The following IL1RAPL1 variants were observed in gnomAD, a reference collection of about 807,000 sequenced individuals.
IL1RAPL1 encodes interleukin 1 receptor accessory protein like 1, also known as interleukin-1 receptor accessory protein-like 1.
A neutral mutation model predicts 48.4 loss-of-function variants in IL1RAPL1; 3 were observed. The observed-to-expected ratio is 0.06, with a 90% confidence interval of 0.03 to 0.16. The LOEUF (loss-of-function observed/expected upper bound fraction) is 0.16. IL1RAPL1 is among the 10% of genes least tolerant of loss of function. The probability of loss-of-function intolerance (pLI) is 1.00; values close to 1 mark genes in which losing one functional copy is unlikely to be tolerated. For synonymous variants in IL1RAPL1, 185 were observed against 187.7 expected (o/e 0.99, Z 0.12); for missense variants, 349 against 530.6 (o/e 0.66, Z 3.36).
chrX:29,413,373 C>T (rs1379007004), intron 5 of IL1RAPL1, among the ~76,000 whole-genome samples: 2 of 110,969 alleles, frequency 1.8e-5, no homozygotes, highest in Non-Finnish European at 3.8e-5. Flanking sequence ...TATTATTATA[C>T]TTTAAGTTTT....
intron 2 of IL1RAPL1, among the ~76,000 whole-genome samples, chrX:29,010,677 A>T (rs1926102900): frequency 8.9e-6 from 1 of 111,966 alleles, no homozygotes; most frequent in African/African-American, 3.2e-5. Flanking sequence ...ATAAATAAAT[A>T]ATTTGCAAGT....
At chrX:28,660,141 T>TGTGTGTGTGTGTG (rs1934805232) in intron 1 of IL1RAPL1, among the ~76,000 whole-genome samples, 1 of 54,559 alleles carries the variant, frequency 1.8e-5, no homozygotes, top group Non-Finnish European at 3.6e-5. Flanking sequence ...GTGTGTGTGT[T>TGTGTGTGTGTGTG]GGAGTTACTG....
chrX:28,791,686 GA>G (rs1936540720), intron 2 of IL1RAPL1, among the ~76,000 whole-genome samples: 1 of 112,042 alleles, frequency 8.9e-6, no homozygotes, highest in Non-Finnish European at 1.9e-5. Context: ...TATATGATGT[GA>G]ATTAACATAC....
At chrX:29,866,070 G>T (rs1931689960) in intron 6 of IL1RAPL1, among the ~76,000 whole-genome samples, 1 of 111,427 alleles carries the variant, frequency 9.0e-6, no homozygotes, top group Non-Finnish European at 1.9e-5. Flanking sequence ...TTAATATAGA[G>T]CACTCTGCTT....
chrX:29,777,388 T>C (rs146881691), intron 6 of IL1RAPL1, among the ~76,000 whole-genome samples: 1 of 112,306 alleles, frequency 8.9e-6, no homozygotes, highest in Admixed American at 9.5e-5. Flanking sequence ...AGATTTTGTG[T>C]GCTTCTTTGT....
At chrX:29,858,270 C>T (rs1324533219) in intron 6 of IL1RAPL1, among the ~76,000 whole-genome samples, 1 of 111,636 alleles carries the variant, frequency 9.0e-6, no homozygotes. Context: ...CACAATACAC[C>T]GTAAAGTGTT....
chrX:28,945,466 T>C (rs192412329), intron 2 of IL1RAPL1, among the ~76,000 whole-genome samples: 2 of 110,995 alleles, frequency 1.8e-5, no homozygotes, highest in Non-Finnish European at 3.8e-5. Context: ...TGGATGAAGC[T>C]GGAAGCCATA....
At chrX:29,888,223 G>T in intron 6 of IL1RAPL1, among the ~76,000 whole-genome samples, 1 of 108,080 alleles carries the variant, frequency 9.3e-6, no homozygotes, top group South Asian at 4.1e-4. Context: ...TTGCAACTGA[G>T]GAATTTTTTT....
At chrX:28,909,799 A>G (rs1231550264) in intron 2 of IL1RAPL1, among the ~76,000 whole-genome samples, 1 of 111,623 alleles carries the variant, frequency 9.0e-6, no homozygotes, top group Non-Finnish European at 1.9e-5. Flanking sequence ...AAACTGGTTT[A>G]TTCCCCTTCG....
chrX:28,611,996 AT>A (rs1267179479), intron 1 of IL1RAPL1, among the ~76,000 whole-genome samples: 1 of 112,184 alleles, frequency 8.9e-6, no homozygotes, highest in Non-Finnish European at 1.9e-5. Context: ...TCATTTAGGT[AT>A]TATCTATGGC....
chrX:29,621,473 C>T (rs1267631027), intron 5 of IL1RAPL1, among the ~76,000 whole-genome samples: 4 of 109,636 alleles, frequency 3.6e-5, no homozygotes, highest in African/African-American at 1.3e-4. Flanking sequence ...CTCATTTTTT[C>T]CTCTTTGAGA....
At chrX:29,465,913 TTAA>T (rs1413767233) in intron 5 of IL1RAPL1, among the ~76,000 whole-genome samples, 1 of 111,723 alleles carries the variant, frequency 9.0e-6, no homozygotes, top group Non-Finnish European at 1.9e-5. Context: ...GGTTTACAGA[TTAA>T]TGTTTTTCTG....
chrX:29,834,349 A>G (rs1417685452), intron 6 of IL1RAPL1, among the ~76,000 whole-genome samples: 1 of 111,847 alleles, frequency 8.9e-6, no homozygotes, highest in African/African-American at 3.2e-5. Flanking sequence ...GGATATACCG[A>G]TGACTCTAGT....
Position 29,495,183 on chromosome X carries a change from G to C in IL1RAPL1, c.703+95875G>C, listed in dbSNP as rs148354505. 8.6e-3 allele frequency among the ~76,000 whole-genome samples: 957 copies of C among 111,929 alleles called. 16 individuals are homozygous for C. The highest frequency in any genetic ancestry group is 0.029 in the African/African-American group (904 of 30,829). ...TTGCTTCCCTTTGTATCCTGTTTCA[G>C]TAGCTGTTCCTTGTAACCTTATCTT... is the stretch of plus-strand genomic sequence containing the variant. On this transcript the variant is annotated intron_variant, in intron 5 of 10. Coordinates refer to ENST00000378993, the MANE Select transcript of IL1RAPL1 (RefSeq NM_014271.4).
intron 6 of IL1RAPL1, among the ~76,000 whole-genome samples, chrX:29,670,267 C>G (rs1569142466): frequency 1.8e-5 from 2 of 111,458 alleles, no homozygotes; most frequent in Non-Finnish European, 3.8e-5. Context: ...AGACTAACCA[C>G]AGCAAATTAA....
chrX:28,615,524 T>C (rs1044631437), intron 1 of IL1RAPL1, among the ~76,000 whole-genome samples: 3 of 110,245 alleles, frequency 2.7e-5, no homozygotes, highest in African/African-American at 9.9e-5. Flanking sequence ...CTATAAATAA[T>C]AAACATGCTT....
rs3065738 is a variant in IL1RAPL1 at position 29,175,073 on chromosome X, C to CAAAAA, written c.83-107848_83-107844dup. ...TGGGCAACAGTGTGAGACTCCGTCT[C>CAAAAA]AAAAAAAAAAAAAAAAAAAAAGAGA... On this transcript the variant is annotated intron_variant, in intron 2 of 10. Transcript: ENST00000378993. Among the ~76,000 whole-genome samples the CAAAAA allele has an allele frequency of 1.6e-4, 10 of 61,529 alleles. No homozygotes were observed. The East Asian group carries it at 4.3e-3, about 26-fold the overall frequency. 53.4% of individuals were successfully genotyped at this position (61,529 alleles called of 115,157 possible).
At chrX:29,728,595 A>G (rs1333758797) in intron 6 of IL1RAPL1, among the ~76,000 whole-genome samples, 2 of 112,070 alleles carry the variant, frequency 1.8e-5, no homozygotes, top group Non-Finnish European at 3.8e-5. Flanking sequence ...AAGCCTCACA[A>G]CCTCCCCCAG....
rs760104971 is a variant in IL1RAPL1 at position 29,337,622 on chromosome X, T to C, written c.362+54405T>C. Among the ~76,000 whole-genome samples, 3 of 111,950 alleles carry C rather than the reference T, an allele frequency of 2.7e-5. No individual in the cohort carries two copies. The South Asian group carries it at 1.1e-3, about 42-fold the overall frequency. On this transcript the variant is annotated intron_variant, in intron 3 of 10. Coordinates refer to ENST00000378993, the MANE Select transcript of IL1RAPL1 (RefSeq NM_014271.4). ...TATATGAATTACAAGATTTTTTTTCTGTATTAAATAAGATACTATACACAA... is the reference window on the plus strand; with the variant it reads ...TATATGAATTACAAGATTTTTTTTCCGTATTAAATAAGATACTATACACAA...
Sources: allele counts gnomAD v4.1 joint callset (sites outside exome capture counted in the v4.1 genomes callset), GRCh38; gene constraint gnomAD v4.1.1; transcripts MANE v1.5; gene names NCBI Gene and HGNC (gene_info 2026-07-23, HGNC 2026-07-21).